The following NUP205 variants were observed in gnomAD, a reference collection of about 807,000 sequenced individuals.
NUP205 encodes nuclear pore complex protein Nup205.
Under a neutral mutation model 253.8 loss-of-function variants are expected in NUP205, and 76 were observed. The ratio of observed to expected loss-of-function variants is 0.30; its 90% CI spans 0.25 to 0.36. NUP205 has a LOEUF of 0.36. NUP205 is among the 10% of genes least tolerant of loss of function. NUP205 has a pLI of 1.00. For synonymous variants in NUP205, 832 were observed against 850.1 expected, an observed-to-expected ratio of 0.98 and a Z score of 0.37; for missense variants, 2,162 against 2,425.5, an observed-to-expected ratio of 0.89 and a Z score of 2.28.
rs762609487 is a variant in NUP205, at chr7:135,618,423, T to C, written c.3783T>C (p.Thr1261=). 10 of 1,614,038 alleles carry C rather than the reference T, an allele frequency of 6.2e-6. No homozygotes were observed. In the South Asian group the frequency reaches 7.7e-5, roughly 12 times the overall value. The part of the protein sequence containing the change: ...QRPLLMEEIS[T]VLQYVVGRNK... Reference sequence around the variant, plus strand: ...TCCTGTGGCTTTAGGAAATCAGCACTGTACTTCAGTATGTGGTAGGAAGAA... The same window carrying C: ...TCCTGTGGCTTTAGGAAATCAGCACCGTACTTCAGTATGTGGTAGGAAGAA... The change falls in exon 28 of 43, where the codon ACT becomes ACC. Residue 1261 remains threonine, a synonymous_variant. Coordinates refer to ENST00000285968, the MANE Select transcript of NUP205 (RefSeq NM_015135.3).
In NUP205 at chr7:135,577,829, C is replaced by A; in HGVS notation, c.682C>A (p.Leu228Ile). 6.2e-7 allele frequency: 1 copy of A among 1,614,070 alleles called. No individual in the cohort carries two copies. The highest frequency in any genetic ancestry group is 8.5e-7 in the Non-Finnish European group (1 of 1,179,980). The part of the protein sequence containing the change: ...SDLIKECRQS[L>I]AESLFAWACQ... ...TCTCATTAAGGAGTGCAGGCAGTCTCTTGCAGAAAGCCTTTTTGCCTGGGC... is the reference window on the plus strand; with the variant it reads ...TCTCATTAAGGAGTGCAGGCAGTCTATTGCAGAAAGCCTTTTTGCCTGGGC... Residue 228 changes from leucine (L) to isoleucine (I), a missense_variant, in exon 6 of 43, where the codon CTT becomes ATT. Physicochemically the swap from Leu to Ile is conservative, Grantham distance 5. This residue lies in a region of NUP205 where 892 missense variants were observed against 957.1 expected (regional missense o/e 0.93). Coordinates refer to ENST00000285968, the MANE Select transcript of NUP205 (RefSeq NM_015135.3).
In NUP205 at chr7:135,593,087, T is replaced by C. The variant is rs1806672583; in HGVS notation, c.1725T>C (p.Ser575=). ...AACACCTTCGGAAGGATCTTCCAAG[T>C]GCAGATAGTGTCCAGTACCGTCACC... ...YHEHLRKDLP[S]ADSVQYRHLP... Residue 575 remains serine, a synonymous_variant, in exon 12 of 43, where the codon AGT becomes AGC. Transcript: ENST00000285968. 1.2e-6 allele frequency: 2 copies of C among 1,614,052 alleles called. No homozygotes were observed. Among genetic ancestry groups the C allele is most frequent in the Non-Finnish European group, 1.7e-6 (2 of 1,179,924 alleles).
chr7:135,581,223 A>G (rs1450899957), intron 7 of NUP205, among the ~76,000 whole-genome samples: 2 of 152,212 alleles, frequency 1.3e-5, no homozygotes, highest in Non-Finnish European at 2.9e-5. Context: ...TGAAACTTTT[A>G]TCAAATGTTT....
chr7:135,597,230 T>C (rs1563121689), intron 13 of NUP205, 138 bp from the exon 14 acceptor site: 1 of 579,414 alleles, frequency 1.7e-6, no homozygotes, highest in East Asian at 2.8e-5. Flanking sequence ...ATCCAGGGAC[T>C]AATTGATTGT....
chr7:135,635,410 T>G (rs560605841), intron 35 of NUP205, 171 bp from the exon 36 acceptor site: 4 of 420,008 alleles, frequency 9.5e-6, no homozygotes, highest in African/African-American at 8.1e-5. Flanking sequence ...CTGTTATTAA[T>G]ATATAACAGG....
At chr7:135,575,392 G>T (rs1806123586) in intron 3 of NUP205, among the ~76,000 whole-genome samples, 1 of 152,162 alleles carries the variant, frequency 6.6e-6, no homozygotes, top group African/African-American at 2.4e-5. Context: ...GTGAAGCAAG[G>T]TGATGAATTT....
rs1049485252 is a variant in NUP205, at chr7:135,597,716, TTTC to T, written c.2065-279_2065-277del. On this transcript the variant is annotated intron_variant, in intron 14 of 42. Transcript: ENST00000285968. ...TCAACCTGAAATGAGAGTTAATTAT[TTTC>T]TTTTCTCTCTAATTCTCCCTCTCTT... 4.7e-4 allele frequency: 209 copies of T among 449,048 alleles called. 1 individual carries two copies. The highest frequency in any genetic ancestry group is 6.8e-4 in the Non-Finnish European group (174 of 255,546). 27.8% of individuals were successfully genotyped at this position (449,048 alleles called of 1,614,324 possible).
Position 135,623,070 on chromosome 7 carries a change from G to A in NUP205, c.4479+145G>A, listed in dbSNP as rs1216436323. 6.8e-6 allele frequency: 5 copies of A among 731,602 alleles called. No homozygotes were observed. In the African/African-American group the frequency reaches 8.9e-5, roughly 13 times the overall value. The allele number at this position is 731,602 out of a possible 1,614,324, so 45.3% of individuals were successfully genotyped here. ...AGGTGGGTGGATTTCTTGAGTATAG[G>A]AGTTTGAGACTAGCCTGGGCAACAT... On this transcript the variant is annotated intron_variant, in intron 31 of 42. Transcript: ENST00000285968.
At chr7:135,579,093 C>T (rs1374061023) in intron 7 of NUP205, among the ~76,000 whole-genome samples, 178 bp downstream of exon 7, 2 of 152,094 alleles carry the variant, frequency 1.3e-5, no homozygotes, top group East Asian at 1.9e-4. Flanking sequence ...CCTTGTCTCT[C>T]AAAAATATCA....
chr7:135,617,510 TC>T, intron 26 of NUP205, 91 bp from the exon 27 acceptor site: 1 of 937,154 alleles, frequency 1.1e-6, no homozygotes, highest in South Asian at 1.5e-5. Context: ...CTGACACCTT[TC>T]CCTTTAGGGC....
intron 37 of NUP205, 58 bp downstream of exon 37, chr7:135,638,117 T>C: frequency 6.4e-7 from 1 of 1,570,270 alleles, no homozygotes; most frequent in Non-Finnish European, 8.6e-7. Flanking sequence ...TTGATAAAAA[T>C]AACAGATGTG....
In NUP205 at chr7:135,577,802, G is replaced by A. The variant is rs1266834256; in HGVS notation, c.655G>A (p.Asp219Asn). The A allele has an allele frequency of 1.2e-6, 2 of 1,612,218 alleles. No individual in the cohort carries two copies. The highest frequency in any genetic ancestry group is 1.7e-6 in the Non-Finnish European group (2 of 1,178,368). Residue 219 changes from aspartate (D) to asparagine (N), a missense_variant, in exon 6 of 43, where the codon GAT becomes AAT. By Grantham distance (23) the Asp-to-Asn change is conservative. This residue lies in a region of NUP205 where 892 missense variants were observed against 957.1 expected (regional missense o/e 0.93). Coordinates refer to ENST00000285968, the MANE Select transcript of NUP205 (RefSeq NM_015135.3). ...GSEKHRKEVS[D>N]LIKECRQSLA... ...GTCATGTTTTTATTTCTAGGTTTCT[G>A]ATCTCATTAAGGAGTGCAGGCAGTC... is the stretch of plus-strand genomic sequence containing the variant.
rs1169720070 is a variant in NUP205, at chr7:135,618,453, A to C, written c.3813A>C (p.Lys1271Asn). 1 of 1,614,102 alleles carries C rather than the reference A, an allele frequency of 6.2e-7. No homozygotes were observed. Among genetic ancestry groups the C allele is most frequent in the Admixed American group, 1.7e-5 (1 of 60,026 alleles). Residue 1271 changes from lysine (K) to asparagine (N), a missense_variant, in exon 28 of 43, where the codon AAA (lysine) becomes AAC (asparagine). By Grantham distance (94) the Lys-to-Asn change is moderately conservative. Transcript: ENST00000285968. ...TTCAGTATGTGGTAGGAAGAAATAAATTGCTGCAGTGTCTTCATGCAAAAC... is the reference window on the plus strand; with the variant it reads ...TTCAGTATGTGGTAGGAAGAAATAACTTGCTGCAGTGTCTTCATGCAAAAC... Reference protein sequence around the residue: ...TVLQYVVGRNKLLQCLHAKRH... With the variant: ...TVLQYVVGRNNLLQCLHAKRH...
At chr7:135,587,155 T>C (rs1234825395) in intron 8 of NUP205, among the ~76,000 whole-genome samples, 2 of 152,246 alleles carry the variant, frequency 1.3e-5, no homozygotes, top group Middle Eastern at 6.8e-3. Context: ...ATAATGTTCT[T>C]CAGAGTGTGT....
rs775551063 is a variant in NUP205, at chr7:135,591,591, A to G, written c.1615A>G (p.Ser539Gly). The G allele has an allele frequency of 3.1e-6, 5 of 1,611,850 alleles. No individual in the cohort carries two copies. The African/African-American group carries it at 4.0e-5, about 13-fold the overall frequency. Residue 539 changes from serine (S) to glycine (G), a missense_variant, in exon 11 of 43, where the codon AGT (serine) becomes GGT (glycine). Coordinates refer to ENST00000285968, the MANE Select transcript of NUP205 (RefSeq NM_015135.3). ...YCFSLLKVNG[S>G]SHVENIQGAG... is the part of the protein sequence containing the mutation. ...TTTCAGCCTGCTCAAAGTCAATGGT[A>G]GTAGTCATGGTAAGGAATATGTGGA...
rs1420367794 is a variant in NUP205 at position 135,638,607 on chromosome 7, C to T, written c.5316C>T (p.Ser1772=). Residue 1772 remains serine (S), a synonymous_variant, in exon 38 of 43, where the codon TCC becomes TCT. Transcript: ENST00000285968. ...GCCAGTCACTCATGTTACAGAGTTCCCCTACCTTCCAGCATGCTGTGTGTC... is the reference window on the plus strand; with the variant it reads ...GCCAGTCACTCATGTTACAGAGTTCTCCTACCTTCCAGCATGCTGTGTGTC... ...EYCQSLMLQS[S]PTFQHAVCLF... The T allele has an allele frequency of 1.2e-6, 2 of 1,613,548 alleles. No individual in the cohort carries two copies. Among genetic ancestry groups the T allele is most frequent in the Non-Finnish European group, 1.7e-6 (2 of 1,179,722 alleles).
chr7:135,616,128 T>G, intron 24 of NUP205, 63 bp downstream of exon 24: 1 of 1,481,694 alleles, frequency 6.7e-7, no homozygotes, highest in South Asian at 1.2e-5. Context: ...AGCACAAATC[T>G]GAAGCTTGTG....
intron 38 of NUP205, among the ~76,000 whole-genome samples, chr7:135,639,154 A>G (rs974734792): frequency 7.9e-5 from 12 of 152,128 alleles, no homozygotes; most frequent in African/African-American, 2.9e-4. Flanking sequence ...ATGTTTGAAT[A>G]TGGGGCAGGA....
intron 1 of NUP205, among the ~76,000 whole-genome samples, chr7:135,561,900 G>GTTCCTTCCTTCCTTCCCTCCTTCCTTCC (rs1563105283): frequency 7.1e-6 from 1 of 140,722 alleles, no homozygotes; most frequent in African/African-American, 2.6e-5. Context: ...TCCTTCCTTT[G>GTTCCTTCCTTCCTTCCCTCCTTCCTTCC]TTCCTTCCTT....
Sources: allele counts gnomAD v4.1 joint callset (sites outside exome capture counted in the v4.1 genomes callset), GRCh38; gene constraint gnomAD v4.1.1; regional missense constraint gnomAD v4.1.1; transcripts MANE v1.5; gene names NCBI Gene and HGNC (gene_info 2026-07-23, HGNC 2026-07-21).